HCN1: variants seen among roughly 807,000 people sequenced by gnomAD.
HCN1 encodes potassium/sodium hyperpolarization-activated cyclic nucleotide-gated channel 1.
HCN1 carries 13 observed loss-of-function variants against 78.9 expected under a neutral mutation model. That is an observed-to-expected ratio of 0.16 (90% CI 0.11 to 0.26). The LOEUF (loss-of-function observed/expected upper bound fraction) is 0.26, where lower values mean the gene tolerates loss of function less well. Ranked by LOEUF, HCN1 falls within the 10% of genes least tolerant of loss-of-function variation. The probability of loss-of-function intolerance (pLI) is 1.00; values close to 1 mark genes in which losing one functional copy is unlikely to be tolerated. For synonymous variants in HCN1, 552 were observed against 455.5 expected (o/e 1.21, Z -2.70); for missense variants, 810 against 1,154.3 (o/e 0.70, Z 4.32).
chr5:45,555,519 T>G (rs1743451335), intron 2 of HCN1, among the ~76,000 whole-genome samples: 2 of 151,944 alleles, frequency 1.3e-5, no homozygotes, highest in Admixed American at 6.6e-5. Context: ...CCAATGACAT[T>G]CTTCAAAGAG....
chr5:45,378,800 G>C (rs536726490), intron 4 of HCN1, among the ~76,000 whole-genome samples: 34 of 152,122 alleles, frequency 2.2e-4, no homozygotes, highest in Non-Finnish European at 4.7e-4. Flanking sequence ...AGGCCATGGT[G>C]TGTGATGTTC....
chr5:45,579,454 T>C (rs1258551520), intron 2 of HCN1, among the ~76,000 whole-genome samples: 1 of 152,046 alleles, frequency 6.6e-6, no homozygotes, highest in Non-Finnish European at 1.5e-5. Flanking sequence ...TCCTTTTCCC[T>C]TTGGTCATAT....
intron 2 of HCN1, among the ~76,000 whole-genome samples, chr5:45,574,078 T>C (rs1743889526): frequency 6.6e-6 from 1 of 152,098 alleles, no homozygotes; most frequent in African/African-American, 2.4e-5. Flanking sequence ...ATCATAAAAT[T>C]TTATTTTTCC....
At position 45,333,391 on chromosome 5, in the gene HCN1, C is replaced by A. The variant is rs139114676; in HGVS notation, c.1377+19709G>T. On this transcript the variant is annotated intron_variant, in intron 5 of 7. Coordinates refer to ENST00000303230, the MANE Select transcript of HCN1 (RefSeq NM_021072.4). ...CTCCATATAAATTCTGGTTATTAAT[C>A]CCTTATTAGATGGGTGTGTTGCAAA... Among the ~76,000 whole-genome samples, 446 of 151,590 alleles carry A rather than the reference C, an allele frequency of 2.9e-3. 2 individuals are homozygous for A. The highest frequency in any genetic ancestry group is 0.01 in the African/African-American group (422 of 41,410).
At chr5:45,394,361 G>T (rs1465166904) in intron 4 of HCN1, among the ~76,000 whole-genome samples, 1 of 152,008 alleles carries the variant, frequency 6.6e-6, no homozygotes, top group Non-Finnish European at 1.5e-5. Flanking sequence ...TTTGGGTCCT[G>T]CCCAAGAGTG....
At chr5:45,363,145 C>CATATATATAT (rs34074894) in intron 4 of HCN1, among the ~76,000 whole-genome samples, 1,509 of 131,184 alleles carry the variant, frequency 0.012, 16 homozygotes, top group African/African-American at 0.027. Context: ...TATATATATA[C>CATATATATAT]ATATATATAT....
At chr5:45,511,428 T>C (rs528744811) in intron 2 of HCN1, among the ~76,000 whole-genome samples, 3 of 152,124 alleles carry the variant, frequency 2.0e-5, no homozygotes, top group Non-Finnish European at 4.4e-5. Flanking sequence ...ATAAACATTA[T>C]GGTAGATAAA....
chr5:45,550,535 T>C (rs77367746), intron 2 of HCN1, among the ~76,000 whole-genome samples: 2 of 152,068 alleles, frequency 1.3e-5, no homozygotes, highest in African/African-American at 2.4e-5. Context: ...TTAGGAGATA[T>C]ACCTAATGTA....
At chr5:45,386,105 G>A (rs1301291425) in intron 4 of HCN1, among the ~76,000 whole-genome samples, 1 of 152,068 alleles carries the variant, frequency 6.6e-6, no homozygotes, top group Non-Finnish European at 1.5e-5. Flanking sequence ...ACAGCAGTGG[G>A]GACATTTCAG....
At chr5:45,529,795 C>T (rs1228440246) in intron 2 of HCN1, among the ~76,000 whole-genome samples, 4 of 152,076 alleles carry the variant, frequency 2.6e-5, no homozygotes, top group South Asian at 2.1e-4. Flanking sequence ...TGCAATTTTA[C>T]AGCACCATCA....
rs529335000 is a variant in HCN1, at chr5:45,318,955, T to C, written c.1378-15116A>G. On this transcript the variant is annotated intron_variant, in intron 5 of 7. Coordinates refer to ENST00000303230, the MANE Select transcript of HCN1 (RefSeq NM_021072.4). ...ATAAATGAGGTTGCATACTGTGTAGTCTTTTGTGTCTTGGTTCTTTTACTC... is the reference window on the plus strand; with the variant it reads ...ATAAATGAGGTTGCATACTGTGTAGCCTTTTGTGTCTTGGTTCTTTTACTC... Among the ~76,000 whole-genome samples the C allele has an allele frequency of 1.2e-3, 177 of 151,982 alleles. 2 individuals are homozygous for C. Among genetic ancestry groups the C allele is most frequent in the Admixed American group, 2.1e-3 (32 of 15,208 alleles).
chr5:45,531,443 G>A (rs1191664508), intron 2 of HCN1, among the ~76,000 whole-genome samples: 1 of 152,060 alleles, frequency 6.6e-6, no homozygotes, highest in Non-Finnish European at 1.5e-5. Flanking sequence ...ATGCCTTCAA[G>A]GTTATCTTTG....
chr5:45,509,287 A>G (rs1248761261), intron 2 of HCN1, among the ~76,000 whole-genome samples: 1 of 152,154 alleles, frequency 6.6e-6, no homozygotes, highest in East Asian at 1.9e-4. Flanking sequence ...AGGGAGTTAG[A>G]CACATTTATG....
intron 6 of HCN1, among the ~76,000 whole-genome samples, chr5:45,302,654 A>T (rs1745651244): frequency 1.3e-5 from 2 of 151,426 alleles, no homozygotes; most frequent in Admixed American, 1.3e-4. Flanking sequence ...TTTAATAAAA[A>T]TTGGAGATAA....
At chr5:45,685,488 C>T (rs1173542370) in intron 1 of HCN1, among the ~76,000 whole-genome samples, 1 of 152,130 alleles carries the variant, frequency 6.6e-6, no homozygotes, top group African/African-American at 2.4e-5. Context: ...CCGAGCCGGG[C>T]GGATCACCCA....
intron 4 of HCN1, among the ~76,000 whole-genome samples, chr5:45,370,726 C>A (rs1011125623): frequency 1.3e-5 from 2 of 152,028 alleles, no homozygotes; most frequent in East Asian, 1.9e-4. Context: ...TATTGTCATG[C>A]GCCAGCAATA....
At chr5:45,613,277 A>G (rs1744876817) in intron 2 of HCN1, among the ~76,000 whole-genome samples, 2 of 151,342 alleles carry the variant, frequency 1.3e-5, no homozygotes, top group Admixed American at 1.3e-4. Context: ...TTCTTGTGAT[A>G]GTTTACTGAG....
chr5:45,450,136 T>C (rs1740888715), intron 3 of HCN1, among the ~76,000 whole-genome samples: 1 of 152,212 alleles, frequency 6.6e-6, no homozygotes, highest in African/African-American at 2.4e-5. Flanking sequence ...CAGCCGAACA[T>C]AAGTTTTATT....
intron 5 of HCN1, among the ~76,000 whole-genome samples, chr5:45,307,193 C>A (rs1459963410): frequency 2.0e-5 from 3 of 152,006 alleles, no homozygotes; most frequent in Non-Finnish European, 4.4e-5. Context: ...TAACCAAGAT[C>A]ACATACAAAT....
Sources: allele counts gnomAD v4.1 joint callset (sites outside exome capture counted in the v4.1 genomes callset), GRCh38; gene constraint gnomAD v4.1.1; transcripts MANE v1.5; gene names NCBI Gene and HGNC (gene_info 2026-07-23, HGNC 2026-07-21).